The following ALG6 variants were observed in gnomAD, a reference collection of about 807,000 sequenced individuals.
ALG6 encodes dolichyl pyrophosphate Man9GlcNAc2 alpha-1,3-glucosyltransferase.
ALG6 carries 46 observed loss-of-function variants against 66.6 expected under a neutral mutation model. The observed-to-expected ratio is 0.69, with a 90% CI of 0.55 to 0.88. The LOEUF (loss-of-function observed/expected upper bound fraction) is 0.88. Among genes scored for constraint, ALG6 ranks in the 40% least tolerant of loss-of-function variants. The pLI is 0.00. For missense variants in ALG6, 505 were observed against 586.8 expected (o/e 0.86, Z 1.44); for synonymous variants, 185 against 203.7 (o/e 0.91, Z 0.78).
At position 63,402,322 on chromosome 1, in the gene ALG6, A is replaced by T; in HGVS notation, c.236A>T (p.His79Leu). Residue 79 changes from histidine (H) to leucine (L), a missense_variant, in exon 4 of 15, where the codon CAT (histidine) becomes CTT (leucine). His to Leu is a moderately conservative substitution (Grantham distance 99). Coordinates refer to ENST00000263440, the MANE Select transcript of ALG6 (RefSeq NM_013339.4). ...GLDYPPLTAYHSLLCAYVAKF... is the reference protein window; with the variant it reads ...GLDYPPLTAYLSLLCAYVAKF... Reference sequence around the variant, plus strand: ...GATTACCCACCTCTTACAGCTTATCATAGTCTCCTATGTGCATATGTGTAA... The same window carrying T: ...GATTACCCACCTCTTACAGCTTATCTTAGTCTCCTATGTGCATATGTGTAA... 1.2e-6 allele frequency: 2 copies of T among 1,610,216 alleles called. No homozygotes were observed. The highest frequency in any genetic ancestry group is 1.7e-6 in the Non-Finnish European group (2 of 1,176,692).
intron 2 of ALG6, among the ~76,000 whole-genome samples, chr1:63,384,750 A>G (rs1459629328): frequency 6.6e-6 from 1 of 152,036 alleles, no homozygotes; most frequent in Admixed American, 6.6e-5. Flanking sequence ...TCCCCAGTGT[A>G]TGTTCTTGGC....
chr1:63,400,294 TAC>T (rs1252870382), intron 3 of ALG6, among the ~76,000 whole-genome samples: 7,981 of 20,786 alleles, frequency 0.38, 2,987 homozygotes, highest in East Asian at 0.63. Context: ...TATATATATA[TAC>T]GTATATATAT....
At chr1:63,374,572 G>A (rs1648054409) in intron 2 of ALG6, among the ~76,000 whole-genome samples, 1 of 151,692 alleles carries the variant, frequency 6.6e-6, no homozygotes, top group South Asian at 2.1e-4. Flanking sequence ...AGGTTGCAGT[G>A]AGCCGAGATC....
At chr1:63,397,494 G>A (rs1442786643) in intron 3 of ALG6, among the ~76,000 whole-genome samples, 6 of 151,956 alleles carry the variant, frequency 3.9e-5, no homozygotes, top group African/African-American at 1.5e-4. Context: ...CTAGGTGTTC[G>A]TTTTCGTATG....
chr1:63,397,526 C>T (rs187955836), intron 3 of ALG6, among the ~76,000 whole-genome samples: 1 of 148,232 alleles, frequency 6.7e-6, no homozygotes, highest in African/African-American at 2.5e-5. Flanking sequence ...ATAGCTTTCT[C>T]TTTGTATTAT....
intron 2 of ALG6, among the ~76,000 whole-genome samples, chr1:63,374,777 C>A (rs1430660721): frequency 6.6e-6 from 1 of 152,164 alleles, no homozygotes; most frequent in African/African-American, 2.4e-5. Context: ...CCTAAAATGT[C>A]TGCTATGCAG....
At position 63,382,538 on chromosome 1, in the gene ALG6, G is replaced by A. The variant is rs186248648; in HGVS notation, c.82+11479G>A. Among the ~76,000 whole-genome samples the A allele has an allele frequency of 3.0e-3, 451 of 152,012 alleles. 2 individuals carry two copies. Among genetic ancestry groups the A allele is most frequent in the African/African-American group, 0.01 (428 of 41,456 alleles). ...CACCCAGGCTGGAGTGCAGTGGTAC[G>A]GCCTTGGCTCATTGCAACTCTGCCT... On this transcript the variant is annotated intron_variant, in intron 2 of 14. Coordinates refer to ENST00000263440, the MANE Select transcript of ALG6 (RefSeq NM_013339.4).
In ALG6 at chr1:63,418,614, A is replaced by G. The variant is rs147864492; in HGVS notation, c.988-756A>G. 7.2e-3 allele frequency among the ~76,000 whole-genome samples: 1,104 copies of G among 152,282 alleles called. 8 individuals carry two copies. Among genetic ancestry groups the G allele is most frequent in the African/African-American group, 0.025 (1,047 of 41,550 alleles). On this transcript the variant is annotated intron_variant, in intron 11 of 14. Transcript: ENST00000263440. ...GGAGGATTTTAAACAGGAAAATTAC[A>G]TGATCTGATATGGTAGCTGTTTGGA...
chr1:63,376,745 T>G (rs569479357), intron 2 of ALG6, among the ~76,000 whole-genome samples: 12 of 152,320 alleles, frequency 7.9e-5, no homozygotes, highest in African/African-American at 2.9e-4. Context: ...TCAGCTTTTG[T>G]AAATGTTCTG....
chr1:63,399,516 G>A (rs990095723), intron 3 of ALG6, among the ~76,000 whole-genome samples: 3 of 152,112 alleles, frequency 2.0e-5, no homozygotes, highest in Non-Finnish European at 2.9e-5. Flanking sequence ...CCTCATGTGT[G>A]TGTATGCGTG....
intron 2 of ALG6, among the ~76,000 whole-genome samples, chr1:63,390,007 T>C (rs776743845): frequency 1.3e-5 from 2 of 152,134 alleles, no homozygotes; most frequent in Non-Finnish European, 2.9e-5. Flanking sequence ...GGCCATCACA[T>C]TGGGACTGTG....
chr1:63,402,650 A>G (rs1174904264), intron 4 of ALG6, among the ~76,000 whole-genome samples: 1 of 150,560 alleles, frequency 6.6e-6, no homozygotes, highest in African/African-American at 2.4e-5. Flanking sequence ...TATTTTTAGT[A>G]GAGACGGGGT....
At chr1:63,421,701 G>T (rs892398833) in intron 12 of ALG6, among the ~76,000 whole-genome samples, 5 of 152,004 alleles carry the variant, frequency 3.3e-5, no homozygotes, top group Non-Finnish European at 7.4e-5. Flanking sequence ...CCAAAAAGAA[G>T]GATGAGTTCA....
intron 7 of ALG6, 154 bp from the exon 8 acceptor site, chr1:63,410,992 G>T (rs923510851): frequency 1.6e-5 from 11 of 704,188 alleles, no homozygotes; most frequent in African/African-American, 1.1e-4. Flanking sequence ...ATTTCTATTG[G>T]GAAATAGCTT....
At chr1:63,369,555 G>T (rs961878918) in intron 1 of ALG6, among the ~76,000 whole-genome samples, 2 of 151,582 alleles carry the variant, frequency 1.3e-5, no homozygotes, top group Non-Finnish European at 2.9e-5. Flanking sequence ...CTTGAACCCA[G>T]GAGGCAGAGG....
At chr1:63,383,935 G>A (rs934071094) in intron 2 of ALG6, among the ~76,000 whole-genome samples, 1 of 152,150 alleles carries the variant, frequency 6.6e-6, no homozygotes, top group Non-Finnish European at 1.5e-5. Flanking sequence ...GTCTTTCTGT[G>A]CCTGGCTTGT....
At chr1:63,414,401 G>A (rs1644531954) in intron 10 of ALG6, among the ~76,000 whole-genome samples, 2 of 151,860 alleles carry the variant, frequency 1.3e-5, no homozygotes, top group Admixed American at 1.3e-4. Flanking sequence ...ACAGGCGCCC[G>A]CCACATGGCC....
Position 63,436,831 on chromosome 1 carries a change from C to T in ALG6, c.1335C>T (p.Ile445=). 1.9e-6 allele frequency: 3 copies of T among 1,613,728 alleles called. No homozygotes were observed. The highest frequency in any genetic ancestry group is 2.5e-6 in the Non-Finnish European group (3 of 1,179,720). ...LSRIIQYLFL[I]SVITMVLLTL... ...CCTTTTTTTCCTTGCAGTTTCTTAT[C>T]TCAGTCATCACTATGGTGCTTCTGA... is the stretch of plus-strand genomic sequence containing the variant. The change falls in exon 15 of 15, where the codon ATC becomes ATT. Residue 445 remains isoleucine (I), a synonymous_variant. Transcript: ENST00000263440.
intron 8 of ALG6, 55 bp downstream of exon 8, chr1:63,411,386 G>T: frequency 6.5e-7 from 1 of 1,529,946 alleles, no homozygotes; most frequent in South Asian, 1.2e-5. Flanking sequence ...AATTTTTTTG[G>T]CATACTTACT....
Sources: allele counts gnomAD v4.1 joint callset (sites outside exome capture counted in the v4.1 genomes callset), GRCh38; gene constraint gnomAD v4.1.1; transcripts MANE v1.5; gene names NCBI Gene and HGNC (gene_info 2026-07-23, HGNC 2026-07-21).